GMEB1: variants seen among roughly 807,000 people sequenced by gnomAD.
GMEB1 encodes the protein glucocorticoid modulatory element-binding protein 1.
A neutral mutation model predicts 52.4 loss-of-function variants in GMEB1; 6 were observed. That is an observed-to-expected ratio of 0.11 (90% confidence interval 0.06 to 0.23). The LOEUF is 0.23. Ranked by LOEUF, GMEB1 falls within the 10% of genes least tolerant of loss-of-function variation. GMEB1 has a pLI of 1.00. For missense variants in GMEB1, 486 were observed against 685.6 expected (o/e 0.71, Z 3.25); for synonymous variants, 255 against 244.9 (o/e 1.04, Z -0.38).
chr1:28,700,386 C>T (rs1274848793), intron 6 of GMEB1, among the ~76,000 whole-genome samples: 17 of 151,476 alleles, frequency 1.1e-4, no homozygotes, highest in African/African-American at 3.2e-4. Context: ...TGGTGGTGAG[C>T]GCCTGTAGTC....
intron 5 of GMEB1, 45 bp from the exon 6 acceptor site, chr1:28,696,882 A>G (rs1670233270): frequency 1.3e-6 from 2 of 1,493,938 alleles, no homozygotes; most frequent in Admixed American, 1.8e-5. Flanking sequence ...TTCCCACTAG[A>G]TGAAGTATAG....
intron 2 of GMEB1, among the ~76,000 whole-genome samples, chr1:28,687,358 AC>A (rs1669698049): frequency 2.0e-5 from 1 of 49,188 alleles, no homozygotes; most frequent in Non-Finnish European, 4.5e-5. Flanking sequence ...ACACACACAC[AC>A]ACACACACAC....
At chr1:28,679,543 A>AT (rs1459562538) in intron 1 of GMEB1, among the ~76,000 whole-genome samples, 1 of 152,032 alleles carries the variant, frequency 6.6e-6, no homozygotes, top group Admixed American at 6.6e-5. Flanking sequence ...CTTGCAGTTA[A>AT]TTTTTTCCCT....
In GMEB1 at chr1:28,710,509, GT is replaced by G; in HGVS notation, c.869-7del. 1 of 1,592,144 alleles carries G rather than the reference GT, an allele frequency of 6.3e-7. No individual in the cohort carries two copies. Among genetic ancestry groups the G allele is most frequent in the Non-Finnish European group, 8.5e-7 (1 of 1,170,918 alleles). On this transcript the variant is annotated splice_polypyrimidine_tract_variant and intron_variant, in intron 8 of 9. Transcript: ENST00000373816. ...TTTTAACTGGACAGGCATGTCTTTTGTTTTAAATAGATGCTGCTGTTCTCAA... is the reference window on the plus strand; with the variant it reads ...TTTTAACTGGACAGGCATGTCTTTTGTTTAAATAGATGCTGCTGTTCTCAA...
chr1:28,674,929 C>T (rs1426304381), intron 1 of GMEB1, among the ~76,000 whole-genome samples: 4 of 139,138 alleles, frequency 2.9e-5, no homozygotes, highest in African/African-American at 5.4e-5. Flanking sequence ...CGTTTTTAGC[C>T]GGGATGGTCT....
intron 1 of GMEB1, among the ~76,000 whole-genome samples, chr1:28,671,035 T>C (rs1668860817): frequency 1.3e-5 from 2 of 152,144 alleles, no homozygotes; most frequent in Non-Finnish European, 2.9e-5. Flanking sequence ...ATCTACATAA[T>C]AGTCTCCAGT....
intron 5 of GMEB1, among the ~76,000 whole-genome samples, chr1:28,693,479 A>G (rs937211453): frequency 2.6e-5 from 4 of 151,144 alleles, no homozygotes; most frequent in African/African-American, 9.8e-5. Flanking sequence ...GGCCTCTCAA[A>G]ATGCTGGGTT....
chr1:28,701,268 CTTTTT>C (rs67909525), intron 6 of GMEB1, among the ~76,000 whole-genome samples: 3 of 109,836 alleles, frequency 2.7e-5, no homozygotes, highest in East Asian at 3.3e-4. Flanking sequence ...TAAAAGCTGT[CTTTTT>C]TTTTTTTTTT....
At chr1:28,684,973 AG>A (rs1376961087) in intron 2 of GMEB1, among the ~76,000 whole-genome samples, 1 of 152,146 alleles carries the variant, frequency 6.6e-6, no homozygotes, top group Non-Finnish European at 1.5e-5. Flanking sequence ...TGACTTTTTT[AG>A]TTTTTGTAGA....
chr1:28,682,547 G>T (rs1669438425), intron 1 of GMEB1, among the ~76,000 whole-genome samples: 1 of 151,292 alleles, frequency 6.6e-6, no homozygotes, highest in South Asian at 2.1e-4. Context: ...GCTTGAGCTT[G>T]GGAGGCAGAT....
chr1:28,695,958 A>G, intron 5 of GMEB1, among the ~76,000 whole-genome samples: 1 of 149,252 alleles, frequency 6.7e-6, no homozygotes, highest in African/African-American at 2.5e-5. Context: ...AAAAAAAAAA[A>G]AAAAAAAAAA....
chr1:28,683,116 G>A (rs565242655), intron 1 of GMEB1, among the ~76,000 whole-genome samples: 1 of 152,272 alleles, frequency 6.6e-6, no homozygotes, highest in South Asian at 2.1e-4. Flanking sequence ...ATCAGAGCCT[G>A]TGATAGCCCA....
rs1670823405 is a variant in GMEB1 at position 28,707,174 on chromosome 1, G to A, written c.868+2845G>A. Among the ~76,000 whole-genome samples, 3 of 150,832 alleles carry A rather than the reference G, an allele frequency of 2.0e-5. No individual in the cohort carries two copies. The Admixed American group carries it at 2.0e-4, about 10-fold the overall frequency. On this transcript the variant is annotated intron_variant, in intron 8 of 9. Coordinates refer to ENST00000373816, the MANE Select transcript of GMEB1 (RefSeq NM_001319674.2). The stretch of plus-strand genomic sequence containing the variant: ...ATTTTTTATATTTTTTGTAGAGACG[G>A]GGTTTCACCGTGTTAGCCAGCGTGG...
At chr1:28,670,350 G>T (rs765656375) in intron 1 of GMEB1, among the ~76,000 whole-genome samples, 11 of 149,736 alleles carry the variant, frequency 7.3e-5, no homozygotes, top group Non-Finnish European at 1.6e-4. Flanking sequence ...TGTTTGAGAC[G>T]GAGTTTCACT....
rs1000260096 is a variant in GMEB1 at position 28,690,953 on chromosome 1, C to T, written c.212-632C>T. ...CGAGGTCACACCACTGCATTCCAGC[C>T]TGGGCAACAAGAGCGAGACATCATC... On this transcript the variant is annotated intron_variant, in intron 3 of 9. Coordinates refer to ENST00000373816, the MANE Select transcript of GMEB1 (RefSeq NM_001319674.2). Among the ~76,000 whole-genome samples, 5 of 151,752 alleles carry T rather than the reference C, an allele frequency of 3.3e-5. 1 individual carries two copies. Among genetic ancestry groups the T allele is most frequent in the Non-Finnish European group, 7.4e-5 (5 of 67,982 alleles).
At position 28,714,460 on chromosome 1, in the gene GMEB1, G is replaced by C. The variant is rs567382641; in HGVS notation, c.1379G>C (p.Ser460Thr). The C allele has an allele frequency of 1.2e-6, 2 of 1,614,206 alleles. No individual in the cohort carries two copies. The highest frequency in any genetic ancestry group is 2.2e-5 in the South Asian group (2 of 91,086). ...PDTVTIHPSSSLALLSSTAMQ... is the reference protein window; with the variant it reads ...PDTVTIHPSSTLALLSSTAMQ... ...ACAGTGACCATCCACCCTTCATCTA[G>C]CTTGGCGCTGCTGAGCTCTACTGCC... Residue 460 changes from serine to threonine, a missense_variant, in exon 10 of 10, where the codon AGC becomes ACC. Coordinates refer to ENST00000373816, the MANE Select transcript of GMEB1 (RefSeq NM_001319674.2).
At chr1:28,705,432 A>T (rs1199421138) in intron 8 of GMEB1, among the ~76,000 whole-genome samples, 3 of 145,070 alleles carry the variant, frequency 2.1e-5, no homozygotes, top group Middle Eastern at 3.4e-3. Flanking sequence ...CTCTCGCGCG[A>T]TATATGTATT....
rs61127323 is a variant in GMEB1 at position 28,691,804 on chromosome 1, T to TTTTATTTA, written c.336+135_336+142dup. On this transcript the variant is annotated intron_variant, in intron 4 of 9. Coordinates refer to ENST00000373816, the MANE Select transcript of GMEB1 (RefSeq NM_001319674.2). ...TCCTTTTTATCTTCCACTATATCAG[T>TTTTATTTA]TTTATTTATTTATTTATTTATTTAT... 7.8e-3 allele frequency: 1,859 copies of TTTTATTTA among 238,730 alleles called. 12 individuals are homozygous for TTTTATTTA. Among genetic ancestry groups the TTTTATTTA allele is most frequent in the Non-Finnish European group, 0.01 (1,225 of 121,834 alleles). The allele number at this position is 238,730 out of a possible 1,614,324, so 14.8% of individuals were successfully genotyped here.
intron 9 of GMEB1, among the ~76,000 whole-genome samples, chr1:28,712,792 G>A (rs1285994448): frequency 6.6e-6 from 1 of 151,512 alleles, no homozygotes; most frequent in African/African-American, 2.4e-5. Context: ...AGCCAAGATC[G>A]CGCCATCACA....
Sources: gnomAD v4.1 joint callset for allele counts (sites outside exome capture counted in the v4.1 genomes callset) on GRCh38, gnomAD v4.1.1 for gene constraint, MANE v1.5 for transcripts, NCBI Gene and HGNC (gene_info 2026-07-23, HGNC 2026-07-21) for gene names.